ZNF385D: variants seen among roughly 807,000 people sequenced by gnomAD.
The protein encoded by ZNF385D is zinc finger protein 659.
ZNF385D carries 15 observed loss-of-function variants against 35.8 expected under a neutral mutation model. The ratio of observed to expected loss-of-function variants is 0.42; its 90% CI spans 0.28 to 0.64. The LOEUF is 0.64. Ranked by LOEUF, ZNF385D falls within the 30% of genes least tolerant of loss-of-function variation. The pLI, the probability that ZNF385D is intolerant of heterozygous loss-of-function variation, is 0.23. For missense variants in ZNF385D, 474 were observed against 494.6 expected, an observed-to-expected ratio of 0.96 and a Z score of 0.39; for synonymous variants, 212 against 186.8, an observed-to-expected ratio of 1.13 and a Z score of -1.10.
chr3:21,570,476 C>CT (rs2063302467), intron 2 of ZNF385D, among the ~76,000 whole-genome samples: 1 of 152,158 alleles, frequency 6.6e-6, no homozygotes, highest in Admixed American at 6.5e-5. Flanking sequence ...GTCTGTGTTC[C>CT]TATTATTACT....
intron 3 of ZNF385D, among the ~76,000 whole-genome samples, chr3:21,548,212 G>A (rs1296593020): frequency 6.6e-6 from 1 of 152,162 alleles, no homozygotes; most frequent in Non-Finnish European, 1.5e-5. Flanking sequence ...CAAGAACCCA[G>A]TCTTTAACTG....
intron 3 of ZNF385D, among the ~76,000 whole-genome samples, chr3:21,775,034 A>G (rs1038050427): frequency 1.3e-5 from 2 of 151,872 alleles, no homozygotes; most frequent in South Asian, 2.1e-4. Flanking sequence ...ATTTCATGGT[A>G]TAAGTACAAA....
chr3:22,119,581 T>A (rs1416952030), intron 3 of ZNF385D, among the ~76,000 whole-genome samples: 1 of 152,112 alleles, frequency 6.6e-6, no homozygotes, highest in Non-Finnish European at 1.5e-5. Context: ...CTGTTTTGAG[T>A]CACTGTCTCT....
At chr3:22,184,182 G>C (rs995378890) in intron 2 of ZNF385D, among the ~76,000 whole-genome samples, 1 of 152,010 alleles carries the variant, frequency 6.6e-6, no homozygotes, top group Non-Finnish European at 1.5e-5. Context: ...CTCTGACTCT[G>C]TTCTCCCATT....
rs189598419 is a variant in ZNF385D at position 22,194,243 on chromosome 3, G to T, written c.107-25208C>A. ...ATAAGCCATTTTTGCCAAAATTAAA[G>T]TATTAATTTTGTCATATACATCGGT... On this transcript the variant is annotated intron_variant, in intron 2 of 5. Transcript: ENST00000494108. Among the ~76,000 whole-genome samples the T allele has an allele frequency of 2.6e-3, 390 of 151,784 alleles. 1 individual carries two copies. The highest frequency in any genetic ancestry group is 9.2e-3 in the African/African-American group (381 of 41,498).
intron 3 of ZNF385D, among the ~76,000 whole-genome samples, chr3:22,162,924 A>C (rs1274272307): frequency 6.6e-6 from 1 of 152,120 alleles, no homozygotes; most frequent in Non-Finnish European, 1.5e-5. Flanking sequence ...TTTTGTGTGC[A>C]AGTAGTGGGC....
chr3:22,075,348 C>G (rs777388076), intron 3 of ZNF385D, among the ~76,000 whole-genome samples: 3 of 151,894 alleles, frequency 2.0e-5, no homozygotes, highest in Non-Finnish European at 4.4e-5. Flanking sequence ...CCTCTCCTCC[C>G]TCATCCCAAT....
At chr3:21,917,039 T>G (rs1467576371) in intron 3 of ZNF385D, among the ~76,000 whole-genome samples, 1 of 152,188 alleles carries the variant, frequency 6.6e-6, no homozygotes, top group Non-Finnish European at 1.5e-5. Flanking sequence ...ATTTTGCTAA[T>G]TAGTTTGAAG....
At chr3:21,440,166 A>T (rs183565457) in intron 4 of ZNF385D, among the ~76,000 whole-genome samples, 1 of 152,136 alleles carries the variant, frequency 6.6e-6, no homozygotes, top group Non-Finnish European at 1.5e-5. Context: ...TCTGTTCTAT[A>T]CAATGCATAC....
chr3:21,826,077 C>T (rs529483484), intron 3 of ZNF385D, among the ~76,000 whole-genome samples: 242 of 152,306 alleles, frequency 1.6e-3, no homozygotes, highest in Middle Eastern at 3.4e-3. Flanking sequence ...TTCCACAAAA[C>T]TGGTCCCTAG....
intron 3 of ZNF385D, among the ~76,000 whole-genome samples, chr3:22,062,288 C>G (rs984860992): frequency 6.6e-6 from 1 of 152,124 alleles, no homozygotes; most frequent in African/African-American, 2.4e-5. Context: ...CTCTCGGGAT[C>G]AAGCAATCCA....
intron 3 of ZNF385D, among the ~76,000 whole-genome samples, chr3:21,847,517 T>C (rs1386182566): frequency 6.6e-6 from 1 of 152,096 alleles, no homozygotes; most frequent in Non-Finnish European, 1.5e-5. Context: ...TCTTAACCTC[T>C]TGACAAATTT....
chr3:22,208,543 C>T (rs1415594874), intron 2 of ZNF385D, among the ~76,000 whole-genome samples: 2 of 151,512 alleles, frequency 1.3e-5, no homozygotes, highest in Admixed American at 1.3e-4. Context: ...AATAATTGTA[C>T]ATTGTAAATA....
intron 1 of ZNF385D, among the ~76,000 whole-genome samples, chr3:21,727,149 T>C (rs2125470618): frequency 6.6e-6 from 1 of 152,268 alleles, no homozygotes; most frequent in African/African-American, 2.4e-5. Flanking sequence ...ACCCCTTTCT[T>C]ACACCTTATA....
chr3:22,228,223 G>A (rs552582898), intron 2 of ZNF385D, among the ~76,000 whole-genome samples: 2 of 152,322 alleles, frequency 1.3e-5, no homozygotes, highest in South Asian at 4.1e-4. Context: ...CTACAGAGAT[G>A]TAATGCTAAT....
chr3:21,926,485 T>A (rs1380720074), intron 3 of ZNF385D, among the ~76,000 whole-genome samples: 1 of 152,210 alleles, frequency 6.6e-6, no homozygotes, highest in Non-Finnish European at 1.5e-5. Context: ...TATGGCTGCA[T>A]AGTATTCCAT....
intron 4 of ZNF385D, among the ~76,000 whole-genome samples, chr3:21,505,856 C>A (rs975556872): frequency 2.6e-5 from 4 of 152,052 alleles, no homozygotes; most frequent in Non-Finnish European, 1.5e-5. Flanking sequence ...TGCATACATC[C>A]CCCCTTTGTC....
intron 2 of ZNF385D, among the ~76,000 whole-genome samples, chr3:22,340,610 C>A (rs1161647778): frequency 1.3e-5 from 2 of 152,104 alleles, no homozygotes; most frequent in Non-Finnish European, 2.9e-5. Context: ...TGTGCCACTG[C>A]ACTACAGCAT....
intron 3 of ZNF385D, among the ~76,000 whole-genome samples, chr3:21,849,249 T>A (rs1696215685): frequency 6.6e-6 from 1 of 150,872 alleles, no homozygotes; most frequent in Admixed American, 6.6e-5. Context: ...ACTTCATGCA[T>A]CTTACATATT....
Sources: gnomAD v4.1 joint callset for allele counts (sites outside exome capture counted in the v4.1 genomes callset) on GRCh38, gnomAD v4.1.1 for gene constraint, MANE v1.5 for transcripts, NCBI Gene and HGNC (gene_info 2026-07-23, HGNC 2026-07-21) for gene names.